The following FARP1 variants were observed in gnomAD, a reference collection of about 807,000 sequenced individuals.
FARP1 encodes the protein FERM, ARHGEF and pleckstrin domain-containing protein 1.
Under a neutral mutation model 128.8 loss-of-function variants are expected in FARP1, and 52 were observed. The ratio of observed to expected loss-of-function variants is 0.40; its 90% CI spans 0.32 to 0.51. The LOEUF (loss-of-function observed/expected upper bound fraction) is 0.51, where lower values mean the gene tolerates loss of function less well. Ranked by LOEUF, FARP1 falls within the 20% of genes least tolerant of loss-of-function variation. The probability of loss-of-function intolerance (pLI) is 0.45; values close to 1 mark genes in which losing one functional copy is unlikely to be tolerated. For synonymous variants in FARP1, 580 were observed against 551.8 expected (o/e 1.05, Z -0.72); for missense variants, 1,333 against 1,367.9 (o/e 0.97, Z 0.40).
intron 2 of FARP1, among the ~76,000 whole-genome samples, chr13:98,250,571 A>G (rs138403950): frequency 0.027 from 4,154 of 152,068 alleles, 163 homozygotes; most frequent in African/African-American, 0.094. Context: ...AAATACAAAA[A>G]TTAGCTGGGC....
intron 13 of FARP1, chr13:98,396,070 T>A (rs1218595546): frequency 5.0e-6 from 2 of 398,908 alleles, no homozygotes; most frequent in Non-Finnish European, 8.8e-6. Context: ...ATGTAATAAG[T>A]CAGAGACAGA....
chr13:98,280,109 T>TC (rs1884859076), intron 2 of FARP1, among the ~76,000 whole-genome samples: 1 of 152,110 alleles, frequency 6.6e-6, no homozygotes, highest in African/African-American at 2.4e-5. Flanking sequence ...TGCCCGTGGC[T>TC]CCCCTCCATG....
At chr13:98,260,590 C>G (rs1883829754) in intron 2 of FARP1, among the ~76,000 whole-genome samples, 2 of 152,136 alleles carry the variant, frequency 1.3e-5, no homozygotes, top group African/African-American at 4.8e-5. Context: ...TCCAGCTGGC[C>G]CACGAGCACT....
intron 2 of FARP1, among the ~76,000 whole-genome samples, chr13:98,317,762 G>T (rs1481149941): frequency 6.6e-6 from 1 of 152,170 alleles, no homozygotes; most frequent in Admixed American, 6.5e-5. Context: ...CAAGATCAAG[G>T]TGTTGGCCAA....
At chr13:98,235,063 T>C (rs1361091147) in intron 2 of FARP1, among the ~76,000 whole-genome samples, 4 of 152,222 alleles carry the variant, frequency 2.6e-5, no homozygotes, top group Non-Finnish European at 4.4e-5. Context: ...AGTAGGTAGT[T>C]TGGGTCTCTC....
intron 3 of FARP1, among the ~76,000 whole-genome samples, chr13:98,364,082 G>A (rs1465659613): frequency 1.3e-5 from 2 of 152,176 alleles, no homozygotes; most frequent in Admixed American, 6.5e-5. Flanking sequence ...GTGTCATAAT[G>A]ATGTACATTA....
intron 13 of FARP1, chr13:98,404,680 T>G (rs1488710251): frequency 6.6e-6 from 1 of 152,168 alleles, no homozygotes; most frequent in Non-Finnish European, 1.5e-5. Flanking sequence ...TAGAACAGAA[T>G]AAAAGAAGAC....
At chr13:98,398,008 C>G (rs570871937) in intron 13 of FARP1, 10 of 151,626 alleles carry the variant, frequency 6.6e-5, no homozygotes, top group Admixed American at 5.3e-4. Flanking sequence ...TGATGTGCCA[C>G]CATACCAGGG....
chr13:98,295,969 G>T (rs1185651504), intron 2 of FARP1, among the ~76,000 whole-genome samples: 2 of 152,144 alleles, frequency 1.3e-5, no homozygotes, highest in Admixed American at 1.3e-4. Flanking sequence ...ACCTTAGGTG[G>T]TTGCTTAGCC....
At chr13:98,215,367 C>A (rs1880996577) in intron 2 of FARP1, among the ~76,000 whole-genome samples, 1 of 152,174 alleles carries the variant, frequency 6.6e-6, no homozygotes, top group African/African-American at 2.4e-5. Context: ...AGGGCTTTTT[C>A]TTCCTTCCTG....
chr13:98,284,769 G>GTC (rs1383230009), intron 2 of FARP1, among the ~76,000 whole-genome samples: 1 of 152,178 alleles, frequency 6.6e-6, no homozygotes. Context: ...GAGGATCTCA[G>GTC]TCTGCCTCAG....
chr13:98,235,138 C>G (rs553222996), intron 2 of FARP1, among the ~76,000 whole-genome samples: 4 of 152,216 alleles, frequency 2.6e-5, no homozygotes, highest in South Asian at 4.2e-4. Flanking sequence ...GTGTACCCCA[C>G]CTTCTGGCTT....
intron 5 of FARP1, among the ~76,000 whole-genome samples, chr13:98,373,668 G>A (rs1221884192): frequency 6.6e-6 from 1 of 151,976 alleles, no homozygotes; most frequent in African/African-American, 2.4e-5. Flanking sequence ...CCACTGGTAG[G>A]TCTGTAGTCT....
chr13:98,291,971 T>C (rs1425959828), intron 2 of FARP1, among the ~76,000 whole-genome samples: 1 of 152,258 alleles, frequency 6.6e-6, no homozygotes, highest in Non-Finnish European at 1.5e-5. Flanking sequence ...TTCTGTGTTC[T>C]TCACAAGAAC....
chr13:98,295,528 T>A (rs1485222267), intron 2 of FARP1, among the ~76,000 whole-genome samples: 1 of 152,234 alleles, frequency 6.6e-6, no homozygotes, highest in Admixed American at 6.5e-5. Flanking sequence ...ATAAAAAGCC[T>A]GCAGATAAAA....
Position 98,427,149 on chromosome 13 carries a change from A to G in FARP1, c.1905+2499A>G, listed in dbSNP as rs114647922. ...CCACAGAACAGTTTCCCTGCCCTAA[A>G]ACTTCCCTGGGCTCCACCTATTCAT... On this transcript the variant is annotated intron_variant, in intron 17 of 26. Transcript: ENST00000319562. 4.1e-3 allele frequency among the ~76,000 whole-genome samples: 616 copies of G among 151,866 alleles called. 5 individuals are homozygous for G. The highest frequency in any genetic ancestry group is 0.014 in the African/African-American group (593 of 41,386).
chr13:98,172,805 T>C (rs1301462206), intron 1 of FARP1, among the ~76,000 whole-genome samples: 2 of 152,012 alleles, frequency 1.3e-5, no homozygotes, highest in Non-Finnish European at 2.9e-5. Flanking sequence ...TGCAAATCAG[T>C]GGGGGTGGGA....
chr13:98,430,941 TAGAG>T (rs781138050), intron 17 of FARP1, 98 bp from the exon 18 acceptor site: 18 of 695,506 alleles, frequency 2.6e-5, no homozygotes, highest in South Asian at 3.6e-5. Flanking sequence ...AATCGTGAAA[TAGAG>T]AGTGCAGGAG....
At chr13:98,362,372 A>G (rs759100653) in intron 3 of FARP1, among the ~76,000 whole-genome samples, 6 of 152,122 alleles carry the variant, frequency 3.9e-5, no homozygotes, top group Non-Finnish European at 5.9e-5. Flanking sequence ...CCTCTTCCCC[A>G]TGCACCAGAC....
Sources: gnomAD v4.1 joint callset for allele counts (sites outside exome capture counted in the v4.1 genomes callset) on GRCh38, gnomAD v4.1.1 for gene constraint, MANE v1.5 for transcripts, NCBI Gene and HGNC (gene_info 2026-07-23, HGNC 2026-07-21) for gene names.